The following DNAJC2 variants were observed in gnomAD, a reference collection of about 807,000 sequenced individuals.
DNAJC2 encodes DnaJ heat shock protein family (Hsp40) member C2, also known as dnaJ homolog subfamily C member 2.
DNAJC2 carries 32 observed loss-of-function variants against 94.0 expected under a neutral mutation model. The observed-to-expected ratio is 0.34, with a 90% confidence interval of 0.26 to 0.46. The LOEUF (loss-of-function observed/expected upper bound fraction) is 0.46, where lower values mean the gene tolerates loss of function less well. DNAJC2 is among the 20% of genes least tolerant of loss of function. The pLI, the probability that DNAJC2 is intolerant of heterozygous loss-of-function variation, is 1.00. For synonymous variants in DNAJC2, 210 were observed against 229.7 expected (o/e 0.91, Z 0.77); for missense variants, 550 against 719.5 (o/e 0.76, Z 2.69).
intron 5 of DNAJC2, among the ~76,000 whole-genome samples, chr7:103,325,337 T>C (rs377581098): frequency 3.3e-5 from 5 of 151,990 alleles, no homozygotes; most frequent in South Asian, 4.1e-4. Context: ...CTCAGGAGGC[T>C]GAGGCAGGAG....
intron 3 of DNAJC2, chr7:103,335,440 G>A (rs371572939): frequency 2.0e-5 from 3 of 151,920 alleles, no homozygotes; most frequent in African/African-American, 7.3e-5. Flanking sequence ...GAGTAAGTTA[G>A]AATTACCCTT....
intron 15 of DNAJC2, 142 bp downstream of exon 15, chr7:103,315,622 C>T (rs1482306963): frequency 5.3e-6 from 3 of 569,274 alleles, no homozygotes; most frequent in Non-Finnish European, 6.2e-6. Context: ...TAAATCTTTG[C>T]CCTGGAAATG....
intron 3 of DNAJC2, among the ~76,000 whole-genome samples, chr7:103,331,471 T>C (rs1818967694): frequency 6.6e-6 from 1 of 152,226 alleles, no homozygotes; most frequent in African/African-American, 2.4e-5. Flanking sequence ...TCTAATTGTA[T>C]GTTTGTATCC....
intron 4 of DNAJC2, among the ~76,000 whole-genome samples, chr7:103,326,955 A>G (rs1818739659): frequency 6.6e-6 from 1 of 152,224 alleles, no homozygotes; most frequent in Non-Finnish European, 1.5e-5. Flanking sequence ...CTCTGGGGAA[A>G]AAGAAATAGC....
intron 10 of DNAJC2, among the ~76,000 whole-genome samples, chr7:103,320,092 A>G (rs542500655): frequency 3.9e-5 from 6 of 152,082 alleles, no homozygotes; most frequent in African/African-American, 1.4e-4. Flanking sequence ...AAATGTTTTT[A>G]ACTTTTTCTT....
chr7:103,333,601 A>G (rs1386869646), intron 3 of DNAJC2, among the ~76,000 whole-genome samples: 1 of 152,176 alleles, frequency 6.6e-6, no homozygotes, highest in Non-Finnish European at 1.5e-5. Context: ...CTACTATCCA[A>G]AGGAAAATAT....
intron 1 of DNAJC2, among the ~76,000 whole-genome samples, chr7:103,342,802 G>GT (rs755248938): frequency 1.3e-5 from 2 of 151,164 alleles, no homozygotes; most frequent in Admixed American, 6.6e-5. Flanking sequence ...TAAAGACGGG[G>GT]TTTCACCATA....
intron 15 of DNAJC2, 60 bp from the exon 16 acceptor site, chr7:103,313,161 G>A: frequency 1.3e-6 from 2 of 1,512,782 alleles, no homozygotes; most frequent in Middle Eastern, 1.9e-4. Flanking sequence ...GACAAGTCTT[G>A]TGGTCCACAA....
chr7:103,340,140 T>A (rs1220615967), intron 2 of DNAJC2, among the ~76,000 whole-genome samples: 1 of 152,194 alleles, frequency 6.6e-6, no homozygotes, highest in African/African-American at 2.4e-5. Flanking sequence ...ACCCTGCCTC[T>A]TTTTCCCTCT....
chr7:103,344,296 G>T, intron 1 of DNAJC2: 1 of 553,506 alleles, frequency 1.8e-6, no homozygotes, highest in East Asian at 3.0e-5. Context: ...GTCCCGAAAT[G>T]CTCAGCCCAA....
chr7:103,313,169 C>T (rs1186380553), intron 15 of DNAJC2, 68 bp from the exon 16 acceptor site: 14 of 1,514,910 alleles, frequency 9.2e-6, no homozygotes, highest in Middle Eastern at 1.9e-4. Flanking sequence ...TTGTGGTCCA[C>T]AAGTATTCGC....
At chr7:103,320,306 T>C (rs1818314744) in intron 10 of DNAJC2, among the ~76,000 whole-genome samples, 1 of 151,668 alleles carries the variant, frequency 6.6e-6, no homozygotes, top group South Asian at 2.1e-4. Context: ...GCCAGGCTGG[T>C]CTTGAACTCC....
chr7:103,344,697 T>C lies in DNAJC2; in HGVS notation c.-75A>G. 11 of 1,490,588 alleles carry C rather than the reference T, an allele frequency of 7.4e-6. No homozygotes were observed. The highest frequency in any genetic ancestry group is 1.4e-5 in the African/African-American group (1 of 72,888). 92.3% of individuals were successfully genotyped at this position (1,490,588 alleles called of 1,614,324 possible). ...GAGGGCGCTTAGGGTCCCCTCCAGC[T>C]CTACCTCTCACTCCGAGCCTCGCGC... On this transcript the variant is annotated 5_prime_UTR_variant, in exon 1 of 17. Transcript: ENST00000379263.
At chr7:103,312,756 T>C in intron 16 of DNAJC2, 113 bp from the exon 17 acceptor site, 2 of 1,526,200 alleles carry the variant, frequency 1.3e-6, no homozygotes, top group Non-Finnish European at 1.7e-6. Flanking sequence ...CTAAATATAC[T>C]GATTTCATTA....
chr7:103,318,982 CG>C (rs1818229360), intron 12 of DNAJC2, among the ~76,000 whole-genome samples: 1 of 152,076 alleles, frequency 6.6e-6, no homozygotes, highest in Non-Finnish European at 1.5e-5. Context: ...GAGGCCAATG[CG>C]GACGGATCAC....
chr7:103,319,848 A>G lies in DNAJC2; in HGVS notation c.1084-4T>C. On this transcript the variant is annotated splice_region_variant and splice_polypyrimidine_tract_variant and intron_variant, in intron 10 of 16. Coordinates refer to ENST00000379263, the MANE Select transcript of DNAJC2 (RefSeq NM_014377.3). ...TATCAGAAAAATGATTCCAGGTCTA[A>G]AAGCACAAACACAAAAATAGTATCT... 5.6e-6 allele frequency: 9 copies of G among 1,613,990 alleles called. No homozygotes were observed. Among genetic ancestry groups the G allele is most frequent in the Non-Finnish European group, 7.6e-6 (9 of 1,179,976 alleles).
chr7:103,333,933 G>C (rs1157483834), intron 3 of DNAJC2, among the ~76,000 whole-genome samples: 1 of 151,614 alleles, frequency 6.6e-6, no homozygotes, highest in East Asian at 1.9e-4. Context: ...TGGACATTGT[G>C]AATAGGCTGT....
intron 3 of DNAJC2, among the ~76,000 whole-genome samples, chr7:103,333,857 C>T (rs1819064159): frequency 6.6e-6 from 1 of 152,092 alleles, no homozygotes; most frequent in South Asian, 2.1e-4. Context: ...TTCCACTGCA[C>T]CAAAATATAT....
intron 12 of DNAJC2, among the ~76,000 whole-genome samples, chr7:103,319,359 C>G (rs1049703675): frequency 4.6e-5 from 7 of 151,940 alleles, no homozygotes; most frequent in Admixed American, 4.6e-4. Context: ...ATCACTTGAA[C>G]CCGGGAGGCG....
Sources: allele counts gnomAD v4.1 joint callset (sites outside exome capture counted in the v4.1 genomes callset), GRCh38; gene constraint gnomAD v4.1.1; transcripts MANE v1.5; gene names NCBI Gene and HGNC (gene_info 2026-07-23, HGNC 2026-07-21).